The following NELL1 variants were observed in gnomAD, a reference collection of about 807,000 sequenced individuals.
The protein encoded by NELL1 is protein kinase C-binding protein NELL1.
NELL1 carries 76 observed loss-of-function variants against 107.4 expected under a neutral mutation model. The ratio of observed to expected loss-of-function variants is 0.71; its 90% confidence interval spans 0.59 to 0.86. The LOEUF (loss-of-function observed/expected upper bound fraction) is 0.86, where lower values mean the gene tolerates loss of function less well. Ranked by LOEUF, NELL1 falls within the 40% of genes least tolerant of loss-of-function variation. NELL1 has a pLI of 0.00. For missense variants in NELL1, 1,024 were observed against 1,005.5 expected, an observed-to-expected ratio of 1.02 and a Z score of -0.25; for synonymous variants, 353 against 341.2, an observed-to-expected ratio of 1.03 and a Z score of -0.38.
At chr11:20,936,627 C>A (rs1480330846) in intron 9 of NELL1, among the ~76,000 whole-genome samples, 2 of 152,142 alleles carry the variant, frequency 1.3e-5, no homozygotes, top group Admixed American at 1.3e-4. Context: ...ATTATACATT[C>A]ACTGATGTTA....
At chr11:21,403,782 A>G (rs1207857584) in intron 15 of NELL1, among the ~76,000 whole-genome samples, 1 of 151,722 alleles carries the variant, frequency 6.6e-6, no homozygotes, top group African/African-American at 2.4e-5. Context: ...TGCAGAAACA[A>G]CAGCATCTAC....
chr11:21,374,889 GTGTGT>G lies in NELL1; in HGVS notation c.1645+3942_1645+3946del, dbSNP rs1277918438. 6.9e-4 allele frequency among the ~76,000 whole-genome samples: 6 copies of G among 8,706 alleles called. No homozygotes were observed. In the East Asian group the frequency reaches 0.079, roughly 115 times the overall value. 5.7% of individuals were successfully genotyped at this position (8,706 alleles called of 152,430 possible). A position where few individuals can be genotyped will look rare whatever the true frequency, so the allele number is the denominator to read the frequency against. ...TGTGTGGAACTGACTGTGTGTGTCT[GTGTGT>G]GTGTGTGTGTGTGTGTGTGTGTGTG... On this transcript the variant is annotated intron_variant, in intron 15 of 19. Coordinates refer to ENST00000357134, the MANE Select transcript of NELL1 (RefSeq NM_006157.5).
intron 14 of NELL1, among the ~76,000 whole-genome samples, chr11:21,257,898 C>A (rs936663815): frequency 6.6e-6 from 1 of 151,944 alleles, no homozygotes; most frequent in Non-Finnish European, 1.5e-5. Flanking sequence ...ATGTACCAAC[C>A]AGCAAGATAC....
At chr11:21,365,903 G>A in intron 14 of NELL1, among the ~76,000 whole-genome samples, 1 of 152,044 alleles carries the variant, frequency 6.6e-6, no homozygotes, top group East Asian at 1.9e-4. Flanking sequence ...TAAAGTTGGG[G>A]CAGAATTTCT....
At chr11:20,959,179 G>A (rs184127148) in intron 11 of NELL1, among the ~76,000 whole-genome samples, 20 of 152,276 alleles carry the variant, frequency 1.3e-4, no homozygotes, top group Admixed American at 1.2e-3. Flanking sequence ...GGATGTTGGC[G>A]TGGATGTGGT....
intron 14 of NELL1, among the ~76,000 whole-genome samples, chr11:21,273,967 A>G (rs947764172): frequency 1.3e-5 from 2 of 152,234 alleles, no homozygotes; most frequent in African/African-American, 4.8e-5. Context: ...TGTAAAGACT[A>G]TCGAGGCTAG....
At chr11:20,801,010 C>T (rs1388544131) in intron 3 of NELL1, among the ~76,000 whole-genome samples, 1 of 152,094 alleles carries the variant, frequency 6.6e-6, no homozygotes, top group East Asian at 1.9e-4. Context: ...GTGATTTGGT[C>T]TAAAAAATCC....
intron 2 of NELL1, among the ~76,000 whole-genome samples, chr11:20,766,932 T>C (rs1053332440): frequency 3.3e-5 from 5 of 152,062 alleles, no homozygotes; most frequent in Non-Finnish European, 7.4e-5. Context: ...TTAGTAAAGA[T>C]GGGGTTTCAC....
chr11:21,441,271 T>TATA (rs1853274940), intron 15 of NELL1, among the ~76,000 whole-genome samples: 3 of 152,064 alleles, frequency 2.0e-5, no homozygotes, highest in Admixed American at 2.0e-4. Context: ...CATTTCTATT[T>TATA]ATAATATTTT....
At chr11:21,134,005 C>T (rs1202137803) in intron 13 of NELL1, among the ~76,000 whole-genome samples, 1 of 152,240 alleles carries the variant, frequency 6.6e-6, no homozygotes, top group African/African-American at 2.4e-5. Flanking sequence ...CAACCACTTT[C>T]AGACAGGCCG....
In NELL1 at chr11:20,972,190, A is replaced by G. The variant is rs573334774; in HGVS notation, c.1300+11630A>G. Among the ~76,000 whole-genome samples the G allele has an allele frequency of 5.9e-5, 9 of 152,358 alleles. No homozygotes were observed. In the East Asian group the frequency reaches 1.7e-3, roughly 29 times the overall value. ...CCTGTACATATATCCCAGAACTTAA[A>G]GTAAAATAAAAAATTAAAATAAAAA... On this transcript the variant is annotated intron_variant, in intron 12 of 19. Coordinates refer to ENST00000357134, the MANE Select transcript of NELL1 (RefSeq NM_006157.5).
chr11:21,484,219 CA>C (rs958282373), intron 15 of NELL1, among the ~76,000 whole-genome samples: 12 of 147,698 alleles, frequency 8.1e-5, no homozygotes, highest in East Asian at 2.0e-4. Flanking sequence ...CTAAAACAAA[CA>C]AAAAAAAATT....
At chr11:20,697,815 A>T (rs1039701994) in intron 2 of NELL1, among the ~76,000 whole-genome samples, 1 of 152,160 alleles carries the variant, frequency 6.6e-6, no homozygotes, top group African/African-American at 2.4e-5. Flanking sequence ...ACCTTGGAAG[A>T]TGTACAGGAG....
chr11:21,503,687 G>C (rs754622695), intron 15 of NELL1, among the ~76,000 whole-genome samples: 1 of 152,074 alleles, frequency 6.6e-6, no homozygotes, highest in African/African-American at 2.4e-5. Flanking sequence ...GAGTAGCTGG[G>C]TCGCTGGGTA....
At chr11:21,048,957 C>T (rs1201610301) in intron 12 of NELL1, among the ~76,000 whole-genome samples, 1 of 152,076 alleles carries the variant, frequency 6.6e-6, no homozygotes. Context: ...ATTGGGGGGT[C>T]TTCTCAAGAT....
At chr11:21,257,937 A>G (rs1211741940) in intron 14 of NELL1, among the ~76,000 whole-genome samples, 2 of 151,990 alleles carry the variant, frequency 1.3e-5, no homozygotes, top group Non-Finnish European at 2.9e-5. Flanking sequence ...CTTTTCCTCA[A>G]TCTGATCCTG....
intron 13 of NELL1, among the ~76,000 whole-genome samples, chr11:21,132,705 G>A (rs965193861): frequency 6.6e-6 from 1 of 152,112 alleles, no homozygotes; most frequent in African/African-American, 2.4e-5. Flanking sequence ...GCCCTGGCTC[G>A]GGGAGCCCCT....
chr11:21,498,833 C>G, intron 15 of NELL1, among the ~76,000 whole-genome samples: 1 of 152,008 alleles, frequency 6.6e-6, no homozygotes, highest in East Asian at 1.9e-4. Context: ...TTACACTTTT[C>G]AACCTGACCT....
chr11:20,884,091 GC>G (rs1282311566), intron 4 of NELL1, among the ~76,000 whole-genome samples: 7 of 152,202 alleles, frequency 4.6e-5, no homozygotes, highest in African/African-American at 1.7e-4. Flanking sequence ...TGTGCTTGGA[GC>G]TTTGCCAGCT....
Sources: gnomAD v4.1 joint callset for allele counts (sites outside exome capture counted in the v4.1 genomes callset) on GRCh38, gnomAD v4.1.1 for gene constraint, MANE v1.5 for transcripts, NCBI Gene and HGNC (gene_info 2026-07-23, HGNC 2026-07-21) for gene names.